The following MPDZ variants were observed in gnomAD, a reference collection of about 807,000 sequenced individuals.
MPDZ encodes multiple PDZ domain crumbs cell polarity complex component.
In MPDZ, 234 loss-of-function variants were observed where a neutral mutation model predicts 239.1. The ratio of observed to expected loss-of-function variants is 0.98; its 90% CI spans 0.88 to 1.09. The LOEUF (loss-of-function observed/expected upper bound fraction) is 1.09, where lower values mean the gene tolerates loss of function less well. MPDZ is among the 50% of genes least tolerant of loss of function. MPDZ has a pLI of 0.00. For synonymous variants in MPDZ, 1,048 were observed against 881.3 expected (o/e 1.19, Z -3.35); for missense variants, 3,175 against 2,510.0 (o/e 1.26, Z -5.66).
chr9:13,212,743 C>G (rs915381655), intron 10 of MPDZ, among the ~76,000 whole-genome samples: 1 of 138,290 alleles, frequency 7.2e-6, no homozygotes, highest in Admixed American at 8.0e-5. Context: ...TAGGCAGAGG[C>G]GAGAGGATCT....
intron 19 of MPDZ, among the ~76,000 whole-genome samples, chr9:13,182,178 T>A (rs538317241): frequency 6.6e-6 from 1 of 152,150 alleles, no homozygotes; most frequent in Non-Finnish European, 1.5e-5. Context: ...CCCCTTCCCA[T>A]TGAATTCAAT....
rs983030994 is a variant in MPDZ at position 13,140,178 on chromosome 9, T to G, written c.3841-29A>C. 1.1e-5 allele frequency: 18 copies of G among 1,607,876 alleles called. No individual in the cohort carries two copies. The East Asian group carries it at 4.0e-4, about 36-fold the overall frequency. ...TGGGAACAAAAAGAATGCAGTGGGTTTGTACAGTCTAAGGAAGAAAACTTC... is the reference window on the plus strand; with the variant it reads ...TGGGAACAAAAAGAATGCAGTGGGTGTGTACAGTCTAAGGAAGAAAACTTC... On this transcript the variant is annotated intron_variant, in intron 27 of 46. Coordinates refer to ENST00000319217, the MANE Select transcript of MPDZ (RefSeq NM_001378778.1).
chr9:13,262,530 A>C (rs1295525267), intron 1 of MPDZ, among the ~76,000 whole-genome samples: 1 of 152,148 alleles, frequency 6.6e-6, no homozygotes, highest in Non-Finnish European at 1.5e-5. Context: ...CTACTAGAAA[A>C]ATTCAGCCAA....
Position 13,206,066 on chromosome 9 carries a change from G to C in MPDZ, c.1324C>G (p.Gln442Glu). ...TGTCGCAATACCTCTACTGCTTGCT[G>C]ATTAGTAAAACCCTGAAGGTTTGTG... ...DGTNLQGFTN[Q>E]QAVEVLRHTG... Residue 442 changes from glutamine to glutamate, a missense_variant, in exon 11 of 47, where the codon CAG (glutamine) becomes GAG (glutamate). Coordinates refer to ENST00000319217, the MANE Select transcript of MPDZ (RefSeq NM_001378778.1). 1 of 1,608,960 alleles carries C rather than the reference G, an allele frequency of 6.2e-7. No homozygotes were observed. Among genetic ancestry groups the C allele is most frequent in the Non-Finnish European group, 8.5e-7 (1 of 1,178,468 alleles).
At chr9:13,271,752 G>C (rs1012234926) in intron 1 of MPDZ, among the ~76,000 whole-genome samples, 3 of 152,122 alleles carry the variant, frequency 2.0e-5, no homozygotes, top group Non-Finnish European at 4.4e-5. Context: ...GTGCAGGAGA[G>C]TTCTAAATGA....
intron 1 of MPDZ, among the ~76,000 whole-genome samples, chr9:13,258,283 A>G (rs908472202): frequency 2.6e-5 from 4 of 152,242 alleles, no homozygotes; most frequent in Non-Finnish European, 5.9e-5. Flanking sequence ...ACAAGTGAAA[A>G]TATGTTTTAG....
intron 10 of MPDZ, among the ~76,000 whole-genome samples, chr9:13,213,398 TTCAA>T (rs1957872773): frequency 6.6e-6 from 1 of 151,966 alleles, no homozygotes; most frequent in Non-Finnish European, 1.5e-5. Flanking sequence ...ATCTCATCAC[TTCAA>T]CAACTACAAA....
At chr9:13,238,887 TCTC>T (rs1208263913) in intron 3 of MPDZ, among the ~76,000 whole-genome samples, 3 of 152,128 alleles carry the variant, frequency 2.0e-5, no homozygotes, top group African/African-American at 7.2e-5. Flanking sequence ...ATAGTGCCAC[TCTC>T]CTCAATTTTT....
chr9:13,138,161 C>G lies in MPDZ; in HGVS notation c.4004-8G>C. The stretch of plus-strand genomic sequence containing the variant: ...AACGCTCTCTGATATTTTCTACATA[C>G]AACAACAACAACAAATACATATTTA... On this transcript the variant is annotated splice_region_variant and splice_polypyrimidine_tract_variant and intron_variant, in intron 28 of 46. Transcript: ENST00000319217. 6.6e-7 allele frequency: 1 copy of G among 1,523,242 alleles called. No homozygotes were observed. The highest frequency in any genetic ancestry group is 8.8e-7 in the Non-Finnish European group (1 of 1,131,818). The allele number at this position is 1,523,242 out of a possible 1,614,324, so 94.4% of individuals were successfully genotyped here.
chr9:13,116,153 T>C (rs927925857), intron 39 of MPDZ, among the ~76,000 whole-genome samples: 8 of 152,040 alleles, frequency 5.3e-5, no homozygotes, highest in African/African-American at 1.9e-4. Flanking sequence ...ACAATCTTTC[T>C]TGCACCCCTT....
intron 11 of MPDZ, among the ~76,000 whole-genome samples, 183 bp downstream of exon 11, chr9:13,205,733 G>T (rs1465943404): frequency 6.6e-6 from 1 of 152,056 alleles, no homozygotes; most frequent in African/African-American, 2.4e-5. Flanking sequence ...ACACATTGCT[G>T]GTTCCAGTCA....
At chr9:13,191,156 C>T (rs915522588) in intron 15 of MPDZ, among the ~76,000 whole-genome samples, 2 of 152,070 alleles carry the variant, frequency 1.3e-5, no homozygotes, top group Non-Finnish European at 2.9e-5. Flanking sequence ...CCATTATACA[C>T]ATAAAAACAT....
chr9:13,189,056 C>T (rs1954541928), intron 16 of MPDZ, 63 bp from the exon 17 acceptor site: 1 of 1,445,842 alleles, frequency 6.9e-7, no homozygotes, highest in African/African-American at 1.4e-5. Context: ...TACAGGTCGT[C>T]CACTCTAAAT....
intron 12 of MPDZ, 135 bp from the exon 13 acceptor site, chr9:13,196,365 A>C (rs982581072): frequency 3.0e-5 from 15 of 492,138 alleles, no homozygotes; most frequent in African/African-American, 2.8e-4. Context: ...GGCTATTCTC[A>C]TCTCCATAAT....
At chr9:13,227,496 A>C (rs1445405328) in intron 3 of MPDZ, among the ~76,000 whole-genome samples, 2 of 152,108 alleles carry the variant, frequency 1.3e-5, no homozygotes, top group Non-Finnish European at 2.9e-5. Flanking sequence ...CCACACACCA[A>C]GACCTAATGG....
At chr9:13,204,927 T>G (rs1402859192) in intron 12 of MPDZ, 109 bp downstream of exon 12, 6 of 674,990 alleles carry the variant, frequency 8.9e-6, no homozygotes, top group African/African-American at 1.9e-5. Flanking sequence ...TTTTGAAATT[T>G]TTTTTAGTAA....
chr9:13,182,770 G>A (rs1429451005), intron 19 of MPDZ, among the ~76,000 whole-genome samples: 1 of 152,026 alleles, frequency 6.6e-6, no homozygotes, highest in Non-Finnish European at 1.5e-5. Flanking sequence ...ATTACTTATT[G>A]AACATTATAG....
chr9:13,156,709 T>C (rs1949864050), intron 24 of MPDZ, among the ~76,000 whole-genome samples: 1 of 152,204 alleles, frequency 6.6e-6, no homozygotes, highest in African/African-American at 2.4e-5. Flanking sequence ...CCTCTCATAA[T>C]ATTGTTACTA....
rs771134173 is a variant in MPDZ, at chr9:13,216,906, T to G, written c.1202-44A>C. 2.1e-6 allele frequency: 3 copies of G among 1,444,328 alleles called. No individual in the cohort carries two copies. The South Asian group carries it at 3.6e-5, about 17-fold the overall frequency. The allele number at this position is 1,444,328 out of a possible 1,614,324, so 89.5% of individuals were successfully genotyped here. On this transcript the variant is annotated intron_variant, in intron 9 of 46. Coordinates refer to ENST00000319217, the MANE Select transcript of MPDZ (RefSeq NM_001378778.1). ...TATTTTTCACAATTTTCAAAGCACA[T>G]TCAAAGAATATCCATCTTCGATTCT...
Sources: allele counts gnomAD v4.1 joint callset (sites outside exome capture counted in the v4.1 genomes callset), GRCh38; gene constraint gnomAD v4.1.1; transcripts MANE v1.5; gene names NCBI Gene and HGNC (gene_info 2026-07-23, HGNC 2026-07-21).